CCDC14: variants seen among roughly 807,000 people sequenced by gnomAD.
CCDC14 encodes coiled-coil domain-containing protein 14.
In CCDC14, 71 loss-of-function variants were observed where a neutral mutation model predicts 81.4. The ratio of observed to expected loss-of-function variants is 0.87; its 90% CI spans 0.72 to 1.06. The LOEUF (loss-of-function observed/expected upper bound fraction) is 1.06, where lower values mean the gene tolerates loss of function less well. Among genes scored for constraint, CCDC14 ranks in the 50% least tolerant of loss-of-function variants. CCDC14 has a pLI of 0.00. For missense variants in CCDC14, 1,046 were observed against 1,047.3 expected (o/e 1.00, Z 0.02); for synonymous variants, 332 against 364.8 (o/e 0.91, Z 1.03).
chr3:123,945,120 T>G (rs2036553775), intron 8 of CCDC14, 130 bp from the exon 9 acceptor site: 1 of 489,608 alleles, frequency 2.0e-6, no homozygotes, highest in South Asian at 7.5e-5. Flanking sequence ...CAATTATTTA[T>G]AAATTTATTA....
At position 123,949,129 on chromosome 3, in the gene CCDC14, G is replaced by A; in HGVS notation, c.356C>T (p.Ser119Phe). ...IPLVVQKETS[S>F]SDNKKQIPNE... Reference sequence around the variant, plus strand: ...AGGTATCTGTTTCTTATTATCTGAAGATGCTAATGTGGAAGAAGAAAAAAG... The same window carrying A: ...AGGTATCTGTTTCTTATTATCTGAAAATGCTAATGTGGAAGAAGAAAAAAG... The change falls in exon 6 of 13, where the codon TCT (serine) becomes TTT (phenylalanine). Residue 119 changes from serine to phenylalanine, a missense_variant. Coordinates refer to ENST00000409697, the MANE Select transcript of CCDC14 (RefSeq NM_001366335.1). 1 of 1,574,464 alleles carries A rather than the reference G, an allele frequency of 6.4e-7. No individual in the cohort carries two copies. Among genetic ancestry groups the A allele is most frequent in the Non-Finnish European group, 8.7e-7 (1 of 1,151,926 alleles).
chr3:123,942,372 T>C (rs182861541), intron 9 of CCDC14, among the ~76,000 whole-genome samples: 140 of 152,212 alleles, frequency 9.2e-4, no homozygotes, highest in African/African-American at 3.1e-3. Flanking sequence ...TATTATTTAC[T>C]CACTTTTGGT....
chr3:123,885,196 T>C, the CCDC14 span, among the ~76,000 whole-genome samples: 2 of 152,110 alleles, frequency 1.3e-5, no homozygotes, highest in Non-Finnish European at 2.9e-5. Flanking sequence ...AATTTTTTAA[T>C]TGTAAAATAA....
At chr3:123,949,287 T>C (rs2036868301) in intron 5 of CCDC14, 155 bp from the exon 6 acceptor site, 6 of 580,160 alleles carry the variant, frequency 1.0e-5, no homozygotes, top group East Asian at 8.3e-5. Flanking sequence ...AAGAAAATCA[T>C]CTCAAATTCT....
In CCDC14 at chr3:123,947,253, C is replaced by T; in HGVS notation, c.751G>A (p.Asp251Asn). 1 of 1,613,834 alleles carries T rather than the reference C, an allele frequency of 6.2e-7. No homozygotes were observed. Among genetic ancestry groups the T allele is most frequent in the Non-Finnish European group, 8.5e-7 (1 of 1,179,814 alleles). Residue 251 changes from aspartate to asparagine, a missense_variant, in exon 8 of 13, where the codon GAT becomes AAT. Physicochemically the swap from Asp to Asn is conservative, Grantham distance 23. Transcript: ENST00000409697. ...GTATTAAATGAATTCCGTAGAACAT[C>T]AGTACAGGTTGCAGAAACTGTTTTA... ...QGKTVSATCT[D>N]VLRNSFNTSP...
In CCDC14 at chr3:123,933,672, C is replaced by T. The variant is rs774924160; in HGVS notation, c.1426+1G>A. On this transcript the variant is annotated splice_donor_variant, in intron 10 of 12. Coordinates refer to ENST00000409697, the MANE Select transcript of CCDC14 (RefSeq NM_001366335.1). LOFTEE classifies it high-confidence loss of function. ...TCAATCCTTAAAGTTCTTTTACCTACATTCAAGGTTGCAATCCACAGCACC... is the reference window on the plus strand; with the variant it reads ...TCAATCCTTAAAGTTCTTTTACCTATATTCAAGGTTGCAATCCACAGCACC... The T allele has an allele frequency of 1.5e-5, 23 of 1,562,634 alleles. No individual in the cohort carries two copies. Among genetic ancestry groups the T allele is most frequent in the Non-Finnish European group, 2.0e-5 (23 of 1,149,798 alleles).
chr3:123,946,355 G>A (rs2036625738), intron 8 of CCDC14, among the ~76,000 whole-genome samples: 1 of 152,084 alleles, frequency 6.6e-6, no homozygotes, highest in African/African-American at 2.4e-5. Context: ...AAGAAGGTAT[G>A]CGTTACTTCT....
At chr3:123,915,839 C>T in intron 12 of CCDC14, 121 bp from the exon 13 acceptor site, 3 of 701,626 alleles carry the variant, frequency 4.3e-6, no homozygotes, top group Admixed American at 3.3e-5. Context: ...AATATGAAAA[C>T]AAGCAACTAG....
At chr3:123,935,151 T>C (rs1421333806) in intron 9 of CCDC14, among the ~76,000 whole-genome samples, 1 of 152,028 alleles carries the variant, frequency 6.6e-6, no homozygotes, top group Admixed American at 6.6e-5. Context: ...ACCTAAGAAA[T>C]AGAAATGGCC....
At chr3:123,959,464 T>C (rs2037543364) in intron 1 of CCDC14, among the ~76,000 whole-genome samples, 1 of 152,224 alleles carries the variant, frequency 6.6e-6, no homozygotes, top group Non-Finnish European at 1.5e-5. Context: ...TTTTTTCGTT[T>C]TTTAACCAGG....
At chr3:123,935,970 G>A (rs2036036123) in intron 9 of CCDC14, among the ~76,000 whole-genome samples, 2 of 151,986 alleles carry the variant, frequency 1.3e-5, no homozygotes. Flanking sequence ...AGTCTGATGA[G>A]TAGCCTTATC....
rs1442731897 is a variant in CCDC14, at chr3:123,933,734, C to G, written c.1365G>C (p.Gln455His). The G allele has an allele frequency of 3.8e-6, 6 of 1,569,730 alleles. No homozygotes were observed. In the East Asian group the frequency reaches 1.4e-4, roughly 36 times the overall value. Residue 455 changes from glutamine to histidine, a missense_variant, in exon 10 of 13, where the codon CAG (glutamine) becomes CAC (histidine). By Grantham distance (24) the Gln-to-His change is conservative. Coordinates refer to ENST00000409697, the MANE Select transcript of CCDC14 (RefSeq NM_001366335.1). ...GAGTTTTCTGTTGTTCTCTGAGTTG[C>G]TGGTTCAAAATTCTCAACTGCCTAA... Reference protein sequence around the residue: ...QLRRQLRILNQQLREQQKTQK... With the variant: ...QLRRQLRILNHQLREQQKTQK...
At chr3:123,932,568 G>C (rs2035798590) in intron 10 of CCDC14, among the ~76,000 whole-genome samples, 1 of 152,000 alleles carries the variant, frequency 6.6e-6, no homozygotes, top group Non-Finnish European at 1.5e-5. Flanking sequence ...AACTGAAAAA[G>C]TTTTCTGGGG....
intron 3 of CCDC14, 60 bp from the exon 4 acceptor site, chr3:123,956,175 T>G: frequency 7.0e-7 from 1 of 1,420,258 alleles, no homozygotes; most frequent in Admixed American, 2.7e-5. Flanking sequence ...TAGGAAAAAA[T>G]ATAAATTATG....
downstream of CCDC14, among the ~76,000 whole-genome samples, chr3:123,895,708 A>G (rs374256652): frequency 2.0e-5 from 3 of 152,180 alleles, no homozygotes; most frequent in South Asian, 6.2e-4. Context: ...AAACAAAACA[A>G]TTTGCATATT....
chr3:123,916,468 T>TTGTGTGTG (rs71142765), intron 12 of CCDC14, among the ~76,000 whole-genome samples: 4,026 of 146,112 alleles, frequency 0.028, 155 homozygotes, highest in East Asian at 0.22. Flanking sequence ...ATATATGTGT[T>TTGTGTGTG]TGTGTGTGTG....
At chr3:123,952,626 G>A (rs535801597) in intron 5 of CCDC14, 1 of 529,830 alleles carries the variant, frequency 1.9e-6, no homozygotes, top group East Asian at 5.5e-5. Flanking sequence ...GATCAGGTAG[G>A]CATTCAATGA....
chr3:123,939,445 CTT>C (rs34550609), intron 9 of CCDC14, among the ~76,000 whole-genome samples: 63 of 129,494 alleles, frequency 4.9e-4, no homozygotes, highest in South Asian at 1.3e-3. Context: ...TGACACAGAT[CTT>C]TTTTTTTTTT....
Position 123,931,515 on chromosome 3 carries a change from G to A in CCDC14, c.1438C>T (p.Gln480Ter). 1 of 1,548,878 alleles carries A rather than the reference G, an allele frequency of 6.5e-7. No individual in the cohort carries two copies. Among genetic ancestry groups the A allele is most frequent in the Non-Finnish European group, 8.7e-7 (1 of 1,145,136 alleles). ...VDCNLELFSL[Q>*]SLNMSLQNQL... ...TTTTGCAGTGACATATTCAATGACT[G>A]AAGAGAAAACACTGTTAAGACAAAA... The change falls in exon 11 of 13, where the codon CAG becomes TAG. Residue 480 changes from glutamine (Q) to a stop codon, truncating the protein, a stop_gained. Coordinates refer to ENST00000409697, the MANE Select transcript of CCDC14 (RefSeq NM_001366335.1). LOFTEE classifies it high-confidence loss of function.
Sources: allele counts gnomAD v4.1 joint callset (sites outside exome capture counted in the v4.1 genomes callset), GRCh38; gene constraint gnomAD v4.1.1; transcripts MANE v1.5; gene names NCBI Gene and HGNC (gene_info 2026-07-23, HGNC 2026-07-21).